DIS3L2: variants seen among roughly 807,000 people sequenced by gnomAD.
DIS3L2 encodes the protein DIS3-like exonuclease 2.
In DIS3L2, 34 loss-of-function variants were observed where a neutral mutation model predicts 97.5. That is an observed-to-expected ratio of 0.35 (90% CI 0.27 to 0.46). The LOEUF is 0.46. Among genes scored for constraint, DIS3L2 ranks in the 20% least tolerant of loss-of-function variants. The pLI, the probability that DIS3L2 is intolerant of heterozygous loss-of-function variation, is 1.00. For synonymous variants in DIS3L2, 435 were observed against 445.2 expected (o/e 0.98, Z 0.29); for missense variants, 1,038 against 1,146.0 (o/e 0.91, Z 1.36).
intron 6 of DIS3L2, among the ~76,000 whole-genome samples, chr2:232,097,945 A>T (rs573041380): frequency 1.1e-4 from 16 of 152,140 alleles, no homozygotes; most frequent in Non-Finnish European, 2.2e-4. Context: ...TCAGGATCGG[A>T]TGGCTCTTTA....
rs371440430 is a variant in DIS3L2, at chr2:232,052,173, T to A, written c.366+22093T>A. ...AAGTAGCTGGGATTACAGATGCCCA[T>A]CACCATGTCTGGCTAATTTTTTGTA... On this transcript the variant is annotated intron_variant, in intron 5 of 20. Coordinates refer to ENST00000325385, the MANE Select transcript of DIS3L2 (RefSeq NM_152383.5). 7.9e-5 allele frequency among the ~76,000 whole-genome samples: 12 copies of A among 152,044 alleles called. No homozygotes were observed. The East Asian group carries it at 2.2e-3, about 27-fold the overall frequency.
rs551243010 is a variant in DIS3L2, at chr2:232,292,123, A to G, written c.1660-7917A>G. Among the ~76,000 whole-genome samples the G allele has an allele frequency of 1.3e-5, 2 of 152,128 alleles. No homozygotes were observed. Among genetic ancestry groups the G allele is most frequent in the South Asian group, 2.1e-4 (1 of 4,818 alleles). On this transcript the variant is annotated intron_variant, in intron 13 of 20. Coordinates refer to ENST00000325385, the MANE Select transcript of DIS3L2 (RefSeq NM_152383.5). This position sits in a 1 kb window ranked among gnomAD's most constrained non-coding sequence, Gnocchi z 4.4. The stretch of plus-strand genomic sequence containing the variant: ...CCACACTTTCCTGTCTTGTCTCGTC[A>G]CGCTTCTGGTTATTCTTATGAATGT...
chr2:232,155,308 T>C (rs1269527824), intron 8 of DIS3L2, among the ~76,000 whole-genome samples: 1 of 152,180 alleles, frequency 6.6e-6, no homozygotes, highest in Non-Finnish European at 1.5e-5. Context: ...TCACTTCACT[T>C]GCTTCCTTTT....
intron 12 of DIS3L2, among the ~76,000 whole-genome samples, chr2:232,251,353 A>T (rs1693412873): frequency 6.6e-6 from 1 of 152,222 alleles, no homozygotes; most frequent in Non-Finnish European, 1.5e-5. Context: ...GGAAAAAAAG[A>T]GCTCTTGGGA....
chr2:232,077,181 G>A (rs920528137), intron 5 of DIS3L2, among the ~76,000 whole-genome samples: 1 of 152,052 alleles, frequency 6.6e-6, no homozygotes, highest in Non-Finnish European at 1.5e-5. Context: ...GGGTCCTGCT[G>A]TAGAGGCCAG....
At chr2:231,971,475 T>A (rs1005514188) in intron 1 of DIS3L2, among the ~76,000 whole-genome samples, 1 of 150,156 alleles carries the variant, frequency 6.7e-6, no homozygotes, top group African/African-American at 2.5e-5. Context: ...TTGAACGGAG[T>A]CTCGCACTCT....
chr2:232,307,600 G>A (rs1244309544), intron 14 of DIS3L2: 3 of 152,106 alleles, frequency 2.0e-5, no homozygotes, highest in African/African-American at 4.8e-5. Flanking sequence ...AGCTGAATTC[G>A]ATTGCAAGGC....
intron 14 of DIS3L2, 28 bp from the exon 15 acceptor site, chr2:232,329,785 T>TCCCCGGGGGA: frequency 1.0e-6 from 1 of 967,144 alleles, no homozygotes; most frequent in Non-Finnish European, 1.5e-6. Flanking sequence ...ACCCCAGCGG[T>TCCCCGGGGGA]CCCTCCCATC....
At chr2:232,165,984 C>G (rs1193667297) in intron 9 of DIS3L2, among the ~76,000 whole-genome samples, 1 of 151,982 alleles carries the variant, frequency 6.6e-6, no homozygotes, top group Non-Finnish European at 1.5e-5. Context: ...ATTCCCCTCT[C>G]ATGGCTCTAT....
In DIS3L2 at chr2:232,329,995, A is replaced by G. The variant is rs769948942; in HGVS notation, c.1922A>G (p.Asn641Ser). Residue 641 changes from asparagine to serine, a missense_variant and splice_region_variant, in exon 15 of 21, where the codon AAT (asparagine) becomes AGT (serine). This residue lies in a region of DIS3L2 where 813 missense variants were observed against 880.1 expected (regional missense o/e 0.92). Transcript: ENST00000325385. Reference sequence around the variant, plus strand: ...GACTTCAGCTCCGCAGGAGCCCTCAATGTGAGTGGTGGGCAGGATTCGGGG... The same window carrying G: ...GACTTCAGCTCCGCAGGAGCCCTCAGTGTGAGTGGTGGGCAGGATTCGGGG... ...PVDFSSAGALNKSLTQTFGDD... is the reference protein window; with the variant it reads ...PVDFSSAGALSKSLTQTFGDD... The G allele has an allele frequency of 8.1e-6, 13 of 1,606,302 alleles. No individual in the cohort carries two copies. The African/African-American group carries it at 1.2e-4, about 15-fold the overall frequency.
intron 1 of DIS3L2, 60 bp from the exon 2 acceptor site, chr2:232,014,775 G>A (rs530022857): frequency 1.4e-4 from 95 of 676,818 alleles, no homozygotes; most frequent in African/African-American, 1.4e-3. Flanking sequence ...AAATTTCTGA[G>A]AGGACAGAGG....
At chr2:232,110,378 G>A (rs3116163) in intron 6 of DIS3L2, among the ~76,000 whole-genome samples, 140,687 of 152,292 alleles carry the variant, frequency 0.92, 65,054 homozygotes, top group East Asian at 1. Context: ...ATTCTGTTAT[G>A]AAGACACATG....
intron 8 of DIS3L2, among the ~76,000 whole-genome samples, chr2:232,154,321 C>T (rs1380008023): frequency 1.1e-4 from 1 of 8,956 alleles, no homozygotes; most frequent in African/African-American, 5.3e-4. Flanking sequence ...GTTTTTTCCC[C>T]ATCTTTGTGG....
chr2:232,030,417 A>G (rs746975298), intron 5 of DIS3L2, among the ~76,000 whole-genome samples: 14 of 152,200 alleles, frequency 9.2e-5, no homozygotes, highest in Non-Finnish European at 1.8e-4. Context: ...AGGGAGAACT[A>G]GAAAGACAAA....
intron 4 of DIS3L2, among the ~76,000 whole-genome samples, chr2:232,024,689 A>G (rs192022984): frequency 9.1e-4 from 139 of 152,014 alleles, no homozygotes; most frequent in African/African-American, 2.9e-3. Flanking sequence ...CAAATATGCT[A>G]TCTACTTTGG....
chr2:232,164,423 A>G (rs1340790134), intron 9 of DIS3L2, among the ~76,000 whole-genome samples: 1 of 152,092 alleles, frequency 6.6e-6, no homozygotes, highest in Non-Finnish European at 1.5e-5. Flanking sequence ...CCACATGGAG[A>G]TATTTAGAAC....
At chr2:232,143,503 T>G (rs1415668134) in intron 8 of DIS3L2, among the ~76,000 whole-genome samples, 1 of 152,202 alleles carries the variant, frequency 6.6e-6, no homozygotes, top group Non-Finnish European at 1.5e-5. Flanking sequence ...CAAACATTTC[T>G]AAATTTTATT....
chr2:232,235,187 C>T lies in DIS3L2; in HGVS notation c.1205-3346C>T, dbSNP rs1692899448. Among the ~76,000 whole-genome samples, 3 of 152,324 alleles carry T rather than the reference C, an allele frequency of 2.0e-5. No individual in the cohort carries two copies. In the South Asian group the frequency reaches 6.2e-4, roughly 32 times the overall value. Reference sequence around the variant, plus strand: ...CTCTCTGCTCTAAATGCTCTTTAAACACACAGGCTCACCTACTCCCTGGCA... The same window carrying T: ...CTCTCTGCTCTAAATGCTCTTTAAATACACAGGCTCACCTACTCCCTGGCA... On this transcript the variant is annotated intron_variant, in intron 10 of 20. Transcript: ENST00000325385.
At chr2:232,105,372 G>A (rs943063168) in intron 6 of DIS3L2, among the ~76,000 whole-genome samples, 2 of 152,140 alleles carry the variant, frequency 1.3e-5, no homozygotes, top group African/African-American at 4.8e-5. Context: ...TTGGTTATTA[G>A]GGGGGTTAAC....
Sources: allele counts gnomAD v4.1 joint callset (sites outside exome capture counted in the v4.1 genomes callset), GRCh38; gene constraint gnomAD v4.1.1; regional missense constraint gnomAD v4.1.1; non-coding constraint Gnocchi (gnomAD v3.1); transcripts MANE v1.5; gene names NCBI Gene and HGNC (gene_info 2026-07-23, HGNC 2026-07-21).